TMEM131: variants seen among roughly 807,000 people sequenced by gnomAD.
TMEM131 encodes the protein transmembrane protein 131.
A neutral mutation model predicts 211.6 loss-of-function variants in TMEM131; 66 were observed. The ratio of observed to expected loss-of-function variants is 0.31; its 90% confidence interval spans 0.26 to 0.38. The LOEUF (loss-of-function observed/expected upper bound fraction) is 0.38. Among genes scored for constraint, TMEM131 ranks in the 10% least tolerant of loss-of-function variants. The pLI, the probability that TMEM131 is intolerant of heterozygous loss-of-function variation, is 1.00. For missense variants in TMEM131, 2,036 were observed against 2,299.3 expected, an observed-to-expected ratio of 0.89 and a Z score of 2.34; for synonymous variants, 844 against 841.3, an observed-to-expected ratio of 1.00 and a Z score of -0.06.
At chr2:97,991,978 C>CT (rs898736098) in intron 1 of TMEM131, among the ~76,000 whole-genome samples, 1 of 152,160 alleles carries the variant, frequency 6.6e-6, no homozygotes, top group Admixed American at 6.5e-5. Flanking sequence ...AAAGGACACA[C>CT]TTTTTCCAAC....
intron 1 of TMEM131, among the ~76,000 whole-genome samples, chr2:97,983,287 G>A (rs1679879772): frequency 6.6e-6 from 1 of 152,186 alleles, no homozygotes; most frequent in Non-Finnish European, 1.5e-5. Context: ...TAGTAGCAGT[G>A]ACAGTCAGCT....
At chr2:97,856,092 A>G (rs1447993943) in intron 5 of TMEM131, among the ~76,000 whole-genome samples, 1 of 152,114 alleles carries the variant, frequency 6.6e-6, no homozygotes, top group Non-Finnish European at 1.5e-5. Flanking sequence ...AATAAAGAAA[A>G]CATTTTTGTT....
In TMEM131 at chr2:97,995,830, G is replaced by A; in HGVS notation, c.-168C>T. ...CGTGGGCCTGGGTCCGTGCGTGCGT[G>A]TGAGCGAGAGTGTCAGTCACGGTCT... On this transcript the variant is annotated 5_prime_UTR_variant, in exon 1 of 41. Coordinates refer to ENST00000186436, the MANE Select transcript of TMEM131 (RefSeq NM_015348.2). 1 of 308,432 alleles carries A rather than the reference G, an allele frequency of 3.2e-6. No individual in the cohort carries two copies. Among genetic ancestry groups the A allele is most frequent in the Non-Finnish European group, 5.5e-6 (1 of 181,454 alleles). 19.1% of individuals were successfully genotyped at this position (308,432 alleles called of 1,614,324 possible). A position where few individuals can be genotyped will look rare whatever the true frequency, so the allele number is the denominator to read the frequency against.
chr2:97,879,892 T>C (rs1573500764), intron 4 of TMEM131, among the ~76,000 whole-genome samples: 1 of 152,310 alleles, frequency 6.6e-6, no homozygotes, highest in Middle Eastern at 3.4e-3. Flanking sequence ...AAAAGTTACA[T>C]GTGAATTTTC....
intron 29 of TMEM131, among the ~76,000 whole-genome samples, chr2:97,793,993 C>CAAAAA (rs1169823016): frequency 2.0e-4 from 11 of 54,438 alleles, no homozygotes; most frequent in Admixed American, 6.3e-4. Flanking sequence ...GACTCTGTCT[C>CAAAAA]AAAAAAAAAA....
chr2:97,832,891 A>C (rs780281840), intron 11 of TMEM131, among the ~76,000 whole-genome samples: 2 of 152,230 alleles, frequency 1.3e-5, no homozygotes, highest in African/African-American at 2.4e-5. Context: ...CGGTAACTCA[A>C]TAACTGCTAG....
chr2:97,775,174 T>A (rs1008201804), intron 32 of TMEM131, among the ~76,000 whole-genome samples: 2 of 152,212 alleles, frequency 1.3e-5, no homozygotes, highest in Non-Finnish European at 2.9e-5. Context: ...ACAGCAGTAA[T>A]CTGACCCCGT....
chr2:97,865,391 C>G (rs1674231109), intron 4 of TMEM131, among the ~76,000 whole-genome samples: 1 of 152,172 alleles, frequency 6.6e-6, no homozygotes, highest in South Asian at 2.1e-4. Flanking sequence ...CATTCTTTCA[C>G]CATTAAGTAC....
intron 2 of TMEM131, among the ~76,000 whole-genome samples, chr2:97,925,393 T>C (rs868015827): frequency 6.6e-6 from 1 of 152,186 alleles, no homozygotes; most frequent in Non-Finnish European, 1.5e-5. Context: ...ATTTCTTCTG[T>C]TGAGATGCAG....
chr2:97,925,372 C>T (rs904086471), intron 2 of TMEM131, among the ~76,000 whole-genome samples: 1 of 152,124 alleles, frequency 6.6e-6, no homozygotes, highest in Non-Finnish European at 1.5e-5. Context: ...GTGGTTATGG[C>T]CTTAATGTGG....
intron 31 of TMEM131, among the ~76,000 whole-genome samples, chr2:97,792,113 A>G (rs1411000093): frequency 1.3e-5 from 2 of 152,252 alleles, no homozygotes; most frequent in Non-Finnish European, 2.9e-5. Context: ...ATCTATCACA[A>G]TAACACAATC....
In TMEM131 at chr2:97,793,445, C is replaced by T; in HGVS notation, c.3495G>A (p.Val1165=). The T allele has an allele frequency of 6.2e-7, 1 of 1,613,952 alleles. No individual in the cohort carries two copies. Among genetic ancestry groups the T allele is most frequent in the Non-Finnish European group, 8.5e-7 (1 of 1,179,898 alleles). The change falls in exon 30 of 41, where the codon GTG becomes GTA. Residue 1165 remains valine, a synonymous_variant. Transcript: ENST00000186436. ...SFEASNPPFD[V]GRPFDLRRIV... Reference sequence around the variant, plus strand: ...TTCTCCTGAGATCAAATGGCCTTCCCACATCGAAGGGCGGGTTCGAGGCCT... The same window carrying T: ...TTCTCCTGAGATCAAATGGCCTTCCTACATCGAAGGGCGGGTTCGAGGCCT...
chr2:97,942,237 A>C (rs1324603051), intron 1 of TMEM131, among the ~76,000 whole-genome samples: 1 of 149,806 alleles, frequency 6.7e-6, no homozygotes, highest in Non-Finnish European at 1.5e-5. Flanking sequence ...AGAAAACCAA[A>C]CACCACATGT....
intron 5 of TMEM131, among the ~76,000 whole-genome samples, chr2:97,855,699 CAAAA>C (rs36041076): frequency 8.3e-6 from 1 of 121,106 alleles, no homozygotes; most frequent in Non-Finnish European, 1.8e-5. Context: ...GACCCTGTCT[CAAAA>C]AAAAAAAAAA....
chr2:97,865,996 C>T (rs1226468623), intron 4 of TMEM131, among the ~76,000 whole-genome samples: 1 of 150,626 alleles, frequency 6.6e-6, no homozygotes, highest in Non-Finnish European at 1.5e-5. Flanking sequence ...CATTCTCCTG[C>T]CTCAGCCTCC....
intron 1 of TMEM131, among the ~76,000 whole-genome samples, chr2:97,974,549 T>C (rs1679447039): frequency 6.6e-6 from 1 of 150,534 alleles, no homozygotes; most frequent in African/African-American, 2.4e-5. Flanking sequence ...CACCAAGAGA[T>C]AATCAAATTA....
chr2:97,890,202 T>C (rs943082140), intron 3 of TMEM131, among the ~76,000 whole-genome samples: 7 of 152,202 alleles, frequency 4.6e-5, no homozygotes, highest in Non-Finnish European at 1.0e-4. Flanking sequence ...AGGAGTAGCA[T>C]GATCTGACAC....
In TMEM131 at chr2:97,766,146, C is replaced by T. The variant is rs1272731777; in HGVS notation, c.4691G>A (p.Trp1564Ter). 1 of 1,614,022 alleles carries T rather than the reference C, an allele frequency of 6.2e-7. No homozygotes were observed. The highest frequency in any genetic ancestry group is 8.5e-7 in the Non-Finnish European group (1 of 1,179,882). The change falls in exon 35 of 41, where the codon TGG (tryptophan) becomes TAG (stop). Residue 1564 changes from tryptophan (W) to a stop codon, truncating the protein, a stop_gained. Coordinates refer to ENST00000186436, the MANE Select transcript of TMEM131 (RefSeq NM_015348.2). LOFTEE classifies it high-confidence loss of function. ...EGEKDSPPPEWDSVPVHKPGS... is the reference protein window; with the variant it reads ...EGEKDSPPPE ...AGGTTTGTGAACTGGAACGGAATCCCACTCCGGTGGAGGAGAGTCTTTTTC... is the reference window on the plus strand; with the variant it reads ...AGGTTTGTGAACTGGAACGGAATCCTACTCCGGTGGAGGAGAGTCTTTTTC...
At chr2:97,924,789 T>A (rs1332534803) in intron 2 of TMEM131, among the ~76,000 whole-genome samples, 1 of 152,162 alleles carries the variant, frequency 6.6e-6, no homozygotes, top group Non-Finnish European at 1.5e-5. Flanking sequence ...TGGGCAATAA[T>A]GGGGGCTTTG....
Sources: allele counts gnomAD v4.1 joint callset (sites outside exome capture counted in the v4.1 genomes callset), GRCh38; gene constraint gnomAD v4.1.1; transcripts MANE v1.5; gene names NCBI Gene and HGNC (gene_info 2026-07-23, HGNC 2026-07-21).